Variants in PDE4B observed in about 807,000 individuals in gnomAD.
PDE4B encodes 3',5'-cyclic-AMP phosphodiesterase 4B.
PDE4B carries 20 observed loss-of-function variants against 82.2 expected under a neutral mutation model. That is an observed-to-expected ratio of 0.24 (90% CI 0.17 to 0.35). PDE4B has a LOEUF of 0.35. Among genes scored for constraint, PDE4B ranks in the 10% least tolerant of loss-of-function variants. The probability of loss-of-function intolerance (pLI) is 1.00; values close to 1 mark genes in which losing one functional copy is unlikely to be tolerated. For missense variants in PDE4B, 655 were observed against 907.2 expected (o/e 0.72, Z 3.57); for synonymous variants, 320 against 318.9 (o/e 1.00, Z -0.04).
chr1:66,270,512 A>G (rs1303701615), intron 7 of PDE4B, among the ~76,000 whole-genome samples: 1 of 152,230 alleles, frequency 6.6e-6, no homozygotes, highest in Non-Finnish European at 1.5e-5. Context: ...ATTCTTTGCC[A>G]GAACTTTCAG....
At chr1:65,811,112 C>G (rs189699523) in intron 1 of PDE4B, among the ~76,000 whole-genome samples, 11 of 152,276 alleles carry the variant, frequency 7.2e-5, no homozygotes, top group Non-Finnish European at 1.2e-4. Flanking sequence ...TATCTTTTGT[C>G]AGAGAGGAAA....
chr1:66,243,137 T>TA (rs1476668683), intron 3 of PDE4B, among the ~76,000 whole-genome samples: 1 of 152,224 alleles, frequency 6.6e-6, no homozygotes, highest in Admixed American at 6.5e-5. Flanking sequence ...CAGTGCTTTC[T>TA]AAAAAATGTA....
intron 7 of PDE4B, among the ~76,000 whole-genome samples, chr1:66,300,402 G>GT (rs1316880050): frequency 6.6e-6 from 1 of 152,126 alleles, no homozygotes; most frequent in Admixed American, 6.6e-5. Flanking sequence ...GGAGAGGAGA[G>GT]TGTGGCACCT....
intron 3 of PDE4B, among the ~76,000 whole-genome samples, chr1:66,236,164 T>C (rs1016908746): frequency 4.6e-5 from 7 of 152,192 alleles, no homozygotes; most frequent in African/African-American, 1.7e-4. Flanking sequence ...TGTTAGCTTA[T>C]TATATATATC....
intron 1 of PDE4B, among the ~76,000 whole-genome samples, chr1:65,841,213 G>A (rs1420243660): frequency 6.6e-6 from 1 of 152,014 alleles, no homozygotes; most frequent in African/African-American, 2.4e-5. Context: ...CATGAGACTT[G>A]CTTTAACCCA....
intron 1 of PDE4B, among the ~76,000 whole-genome samples, chr1:65,877,355 C>T (rs374970081): frequency 6.6e-6 from 1 of 152,098 alleles, no homozygotes; most frequent in South Asian, 2.1e-4. Flanking sequence ...GTGGCTCACG[C>T]CTGTAATCCC....
intron 1 of PDE4B, among the ~76,000 whole-genome samples, chr1:65,905,473 A>G (rs1023809833): frequency 2.0e-5 from 3 of 152,082 alleles, no homozygotes; most frequent in African/African-American, 7.2e-5. Context: ...TAGGAAGTTG[A>G]GGTTTAAAAG....
intron 1 of PDE4B, among the ~76,000 whole-genome samples, chr1:65,900,701 T>C (rs1263214261): frequency 6.6e-6 from 1 of 152,094 alleles, no homozygotes; most frequent in Non-Finnish European, 1.5e-5. Flanking sequence ...CTAGGTATGT[T>C]ACATTTTTGC....
intron 3 of PDE4B, among the ~76,000 whole-genome samples, chr1:66,070,514 C>G (rs570007490): frequency 3.3e-5 from 5 of 151,904 alleles, no homozygotes; most frequent in Non-Finnish European, 5.9e-5. Context: ...TCCCAAAGTT[C>G]TGGCTATTCT....
At chr1:65,809,067 A>T (rs1224102542) in intron 1 of PDE4B, among the ~76,000 whole-genome samples, 1 of 152,112 alleles carries the variant, frequency 6.6e-6, no homozygotes, top group Non-Finnish European at 1.5e-5. Context: ...GTGGTAGCTC[A>T]TGCCTGTAAT....
chr1:66,182,797 A>G (rs1302465523), intron 3 of PDE4B, among the ~76,000 whole-genome samples: 1 of 152,208 alleles, frequency 6.6e-6, no homozygotes, highest in Non-Finnish European at 1.5e-5. Context: ...AGTGATTCAT[A>G]GCCCCACTCT....
At chr1:66,348,097 A>G (rs1018652463) in intron 8 of PDE4B, among the ~76,000 whole-genome samples, 4 of 152,192 alleles carry the variant, frequency 2.6e-5, no homozygotes, top group Non-Finnish European at 5.9e-5. Flanking sequence ...GCTGAAAAAT[A>G]CTATAAGTTG....
intron 3 of PDE4B, among the ~76,000 whole-genome samples, chr1:65,967,473 T>C (rs1335254081): frequency 6.6e-6 from 1 of 152,174 alleles, no homozygotes; most frequent in Non-Finnish European, 1.5e-5. Context: ...TGGAAGACAG[T>C]GTAGCAATTC....
At chr1:65,928,601 A>AAG (rs2100509309) in intron 3 of PDE4B, among the ~76,000 whole-genome samples, 1 of 152,300 alleles carries the variant, frequency 6.6e-6, no homozygotes, top group African/African-American at 2.4e-5. Flanking sequence ...ACATACAGAG[A>AAG]AGAGCAATTA....
In PDE4B at chr1:65,958,110, T is replaced by TAC. The variant is rs200177536; in HGVS notation, c.281+39275_281+39276insAC. Reference sequence around the variant, plus strand: ...GGAATTGCAATCAGATTATGTCTGTTGTAGGCTTTTTATAGATGCATTTGA... The same window carrying TAC: ...GGAATTGCAATCAGATTATGTCTGTTACGTAGGCTTTTTATAGATGCATTTGA... On this transcript the variant is annotated intron_variant, in intron 3 of 16. Coordinates refer to ENST00000341517, the MANE Select transcript of PDE4B (RefSeq NM_002600.4). Among the ~76,000 whole-genome samples, 552 of 152,248 alleles carry TAC rather than the reference T, an allele frequency of 3.6e-3. 2 individuals carry two copies. The highest frequency in any genetic ancestry group is 8.9e-3 in the East Asian group (46 of 5,182).
At chr1:66,337,193 C>T (rs780694087) in intron 8 of PDE4B, among the ~76,000 whole-genome samples, 18 of 152,300 alleles carry the variant, frequency 1.2e-4, no homozygotes, top group South Asian at 4.1e-4. Context: ...ACAGCAGTGC[C>T]GCCCTTAGCA....
intron 3 of PDE4B, among the ~76,000 whole-genome samples, chr1:66,241,172 T>C (rs1278373575): frequency 6.6e-6 from 1 of 152,266 alleles, no homozygotes; most frequent in African/African-American, 2.4e-5. Flanking sequence ...TGAATTCTTA[T>C]GGCATAACTG....
At chr1:65,869,696 C>CT (rs1229373501) in intron 1 of PDE4B, among the ~76,000 whole-genome samples, 15 of 152,056 alleles carry the variant, frequency 9.9e-5, no homozygotes, top group Admixed American at 9.8e-4. Flanking sequence ...AAATTCACCC[C>CT]TTATAATCTG....
At chr1:66,295,463 G>A (rs972070225) in intron 7 of PDE4B, among the ~76,000 whole-genome samples, 7 of 151,884 alleles carry the variant, frequency 4.6e-5, no homozygotes, top group Non-Finnish European at 1.0e-4. Context: ...TTCTGACGGA[G>A]TCTCACTCTG....
Sources: allele counts gnomAD v4.1 joint callset (sites outside exome capture counted in the v4.1 genomes callset), GRCh38; gene constraint gnomAD v4.1.1; transcripts MANE v1.5; gene names NCBI Gene and HGNC (gene_info 2026-07-23, HGNC 2026-07-21).